The following INPP4B variants were observed in gnomAD, a reference collection of about 807,000 sequenced individuals.
INPP4B encodes the protein inositol polyphosphate-4-phosphatase type II B.
Under a neutral mutation model 122.5 loss-of-function variants are expected in INPP4B, and 55 were observed. That is an observed-to-expected ratio of 0.45 (90% CI 0.36 to 0.56). INPP4B has a LOEUF of 0.56. Among genes scored for constraint, INPP4B ranks in the 20% least tolerant of loss-of-function variants. INPP4B has a pLI of 0.00. For synonymous variants in INPP4B, 403 were observed against 388.7 expected, an observed-to-expected ratio of 1.04 and a Z score of -0.43; for missense variants, 1,000 against 1,097.7, an observed-to-expected ratio of 0.91 and a Z score of 1.26.
At chr4:142,833,436 T>G (rs993609613) in intron 1 of INPP4B, among the ~76,000 whole-genome samples, 1 of 152,112 alleles carries the variant, frequency 6.6e-6, no homozygotes, top group Non-Finnish European at 1.5e-5. Context: ...AAGCTGTAAT[T>G]GCATCCTAAA....
chr4:142,591,196 G>T (rs1199078842), intron 2 of INPP4B, among the ~76,000 whole-genome samples: 2 of 151,952 alleles, frequency 1.3e-5, no homozygotes, highest in Non-Finnish European at 2.9e-5. Context: ...CTACTTGAAA[G>T]GCTGGGGTGG....
intron 15 of INPP4B, among the ~76,000 whole-genome samples, chr4:142,190,061 T>TC (rs1835041872): frequency 6.6e-6 from 1 of 152,200 alleles, no homozygotes; most frequent in African/African-American, 2.4e-5. Context: ...AAATTATATC[T>TC]TTTCTCAGAT....
intron 2 of INPP4B, among the ~76,000 whole-genome samples, chr4:142,554,267 T>C (rs777233876): frequency 1.4e-5 from 2 of 146,736 alleles, no homozygotes; most frequent in Non-Finnish European, 3.0e-5. Flanking sequence ...TCACCCAGAA[T>C]GACAAATGTT....
chr4:142,099,794 A>G lies in INPP4B; in HGVS notation c.2374+8299T>C, dbSNP rs114822545. Among the ~76,000 whole-genome samples the G allele has an allele frequency of 3.4e-3, 525 of 152,240 alleles. 1 individual carries two copies. Among genetic ancestry groups the G allele is most frequent in the Admixed American group, 5.8e-3 (89 of 15,258 alleles). ...TTTTGCTTAGGTCATTCAACTATTAATATTTGTTAAAACAATAGATAAATA... is the reference window on the plus strand; with the variant it reads ...TTTTGCTTAGGTCATTCAACTATTAGTATTTGTTAAAACAATAGATAAATA... On this transcript the variant is annotated intron_variant, in intron 23 of 25. Coordinates refer to ENST00000262992, the MANE Select transcript of INPP4B (RefSeq NM_001101669.3).
intron 2 of INPP4B, among the ~76,000 whole-genome samples, chr4:142,662,796 G>T (rs548427153): frequency 2.0e-5 from 3 of 152,286 alleles, no homozygotes; most frequent in African/African-American, 7.2e-5. Context: ...AGCAGCTAAA[G>T]TAAACCTATA....
chr4:142,577,419 T>C (rs968844952), intron 2 of INPP4B, among the ~76,000 whole-genome samples: 3 of 152,056 alleles, frequency 2.0e-5, no homozygotes, highest in African/African-American at 7.2e-5. Context: ...TCTAGTTCTA[T>C]GCTATTCTCT....
intron 18 of INPP4B, among the ~76,000 whole-genome samples, chr4:142,130,448 T>C (rs961831997): frequency 1.3e-5 from 2 of 151,744 alleles, no homozygotes; most frequent in Admixed American, 6.6e-5. Flanking sequence ...GTCACCATGG[T>C]AGGGATAGGG....
chr4:142,628,966 C>A (rs911160118), intron 2 of INPP4B, among the ~76,000 whole-genome samples: 3 of 152,102 alleles, frequency 2.0e-5, no homozygotes, highest in Non-Finnish European at 4.4e-5. Flanking sequence ...AAATCCACCT[C>A]TCTCACATTT....
chr4:142,564,423 G>C (rs544812079), intron 2 of INPP4B, among the ~76,000 whole-genome samples: 1 of 124,290 alleles, frequency 8.0e-6, no homozygotes, highest in Admixed American at 9.8e-5. Flanking sequence ...GAAAAATGTA[G>C]TGTCTTAAGG....
intron 7 of INPP4B, among the ~76,000 whole-genome samples, chr4:142,345,724 T>A (rs528962668): frequency 2.6e-5 from 4 of 151,880 alleles, no homozygotes; most frequent in Admixed American, 6.6e-5. Context: ...AACAAAAAAA[T>A]AGAGTTATAG....
rs77215150 is a variant in INPP4B at position 142,733,279 on chromosome 4, G to A, written c.-253-7378C>T. Among the ~76,000 whole-genome samples the A allele has an allele frequency of 2.5e-4, 38 of 152,194 alleles. 1 individual carries two copies. In the East Asian group the frequency reaches 6.0e-3, roughly 24 times the overall value. On this transcript the variant is annotated intron_variant, in intron 1 of 25. Transcript: ENST00000262992. Reference sequence around the variant, plus strand: ...CTTAAACAGAGTATAAGTGGTAACCGTCAAGGGAAAACATTAAAGTTTGAC... The same window carrying A: ...CTTAAACAGAGTATAAGTGGTAACCATCAAGGGAAAACATTAAAGTTTGAC...
intron 23 of INPP4B, among the ~76,000 whole-genome samples, chr4:142,088,390 AGCC>A (rs1561075201): frequency 6.6e-6 from 1 of 152,270 alleles, no homozygotes; most frequent in Admixed American, 6.5e-5. Context: ...AATTATAAGC[AGCC>A]ATTAAAAATT....
chr4:142,555,314 A>G (rs1434650347), intron 2 of INPP4B, among the ~76,000 whole-genome samples: 1 of 152,208 alleles, frequency 6.6e-6, no homozygotes, highest in African/African-American at 2.4e-5. Context: ...AAGATACCAT[A>G]TTTAGAAAGC....
Position 142,112,672 on chromosome 4 carries a change from C to A in INPP4B, c.2146G>T (p.Val716Leu), listed in dbSNP as rs903708014. 6.2e-7 allele frequency: 1 copy of A among 1,609,848 alleles called. No homozygotes were observed. Among genetic ancestry groups the A allele is most frequent in the East Asian group, 2.2e-5 (1 of 44,772 alleles). The change falls in exon 22 of 26, where the codon GTG becomes TTG. Residue 716 changes from valine to leucine, a missense_variant. Coordinates refer to ENST00000262992, the MANE Select transcript of INPP4B (RefSeq NM_001101669.3). ...CTGGCTGGAAGCTTGACCTCTACCA[C>A]GTAATGTTCTCTAAAGAAGGCAGAG... ...PVITGRREHYVVEVKLPARMF... is the reference protein window; with the variant it reads ...PVITGRREHYLVEVKLPARMF...
intron 8 of INPP4B, among the ~76,000 whole-genome samples, chr4:142,306,902 G>T (rs1763597058): frequency 6.6e-6 from 1 of 152,096 alleles, no homozygotes; most frequent in Non-Finnish European, 1.5e-5. Context: ...GAAAGGAAAG[G>T]AAAGGATAGG....
At chr4:142,746,635 C>T (rs1185824180) in intron 1 of INPP4B, among the ~76,000 whole-genome samples, 1 of 152,046 alleles carries the variant, frequency 6.6e-6, no homozygotes, top group Non-Finnish European at 1.5e-5. Context: ...AACAAGGCTA[C>T]AGTAAGACAA....
At chr4:142,786,956 A>T (rs1193269648) in intron 1 of INPP4B, among the ~76,000 whole-genome samples, 1 of 152,144 alleles carries the variant, frequency 6.6e-6, no homozygotes, top group Non-Finnish European at 1.5e-5. Context: ...AAAATAAACT[A>T]TATACATGCT....
chr4:142,056,097 G>A (rs1033460615), intron 25 of INPP4B, among the ~76,000 whole-genome samples: 4 of 151,906 alleles, frequency 2.6e-5, no homozygotes, highest in Non-Finnish European at 4.4e-5. Context: ...AGAATCGAAC[G>A]TCTGTGTTGA....
chr4:142,473,786 T>G (rs1819337663), intron 2 of INPP4B, among the ~76,000 whole-genome samples: 1 of 152,092 alleles, frequency 6.6e-6, no homozygotes, highest in African/African-American at 2.4e-5. Context: ...CCCCCACAGA[T>G]AGCCAGATGG....
Sources: allele counts gnomAD v4.1 joint callset (sites outside exome capture counted in the v4.1 genomes callset), GRCh38; gene constraint gnomAD v4.1.1; transcripts MANE v1.5; gene names NCBI Gene and HGNC (gene_info 2026-07-23, HGNC 2026-07-21).